The following LHFPL5 variants were observed in gnomAD, a reference collection of about 807,000 sequenced individuals.
The protein encoded by LHFPL5 is LHFPL tetraspan subfamily member 5, also known as LHFPL tetraspan subfamily member 5 protein.
A neutral mutation model predicts 18.7 loss-of-function variants in LHFPL5; 12 were observed. That is an observed-to-expected ratio of 0.64 (90% CI 0.41 to 1.04). The LOEUF (loss-of-function observed/expected upper bound fraction) is 1.04, where lower values mean the gene tolerates loss of function less well. Ranked by LOEUF, LHFPL5 falls within the 50% of genes least tolerant of loss-of-function variation. The pLI, the probability that LHFPL5 is intolerant of heterozygous loss-of-function variation, is 0.00. For synonymous variants in LHFPL5, 111 were observed against 120.2 expected (o/e 0.92, Z 0.50); for missense variants, 259 against 292.1 (o/e 0.89, Z 0.83).
chr6:35,813,186 G>C (rs555047579), intron 1 of LHFPL5, among the ~76,000 whole-genome samples: 1 of 151,384 alleles, frequency 6.6e-6, no homozygotes, highest in South Asian at 2.1e-4. Flanking sequence ...TCACCTGGAA[G>C]AGTGCTTTTG....
At chr6:35,807,146 T>G (rs566149638) in intron 1 of LHFPL5, among the ~76,000 whole-genome samples, 1 of 151,952 alleles carries the variant, frequency 6.6e-6, no homozygotes, top group African/African-American at 2.4e-5. Flanking sequence ...TTTAAAACAA[T>G]GTGGGGGCTG....
intron 3 of LHFPL5, among the ~76,000 whole-genome samples, chr6:35,821,642 C>T (rs928331155): frequency 1.2e-4 from 18 of 151,648 alleles, no homozygotes; most frequent in South Asian, 6.3e-4. Flanking sequence ...CCACCACACC[C>T]GGCTAATTTT....
chr6:35,819,165 C>A (rs143679951), intron 2 of LHFPL5, among the ~76,000 whole-genome samples: 3 of 152,244 alleles, frequency 2.0e-5, no homozygotes, highest in African/African-American at 7.2e-5. Context: ...ATCTGCCCAA[C>A]CAATAACAGC....
rs904225699 is a variant in LHFPL5, at chr6:35,823,526, G to C, written c.*561G>C. On this transcript the variant is annotated 3_prime_UTR_variant, in exon 4 of 4. Coordinates refer to ENST00000360215, the MANE Select transcript of LHFPL5 (RefSeq NM_182548.4). ...ACAAATGCCCAACCAGCTCTAAGAGGGCACTGAAGAGGTGGCTGGACATGT... is the reference window on the plus strand; with the variant it reads ...ACAAATGCCCAACCAGCTCTAAGAGCGCACTGAAGAGGTGGCTGGACATGT... The C allele has an allele frequency of 6.6e-6, 1 of 150,656 alleles. No individual in the cohort carries two copies. 9.3% of individuals were successfully genotyped at this position (150,656 alleles called of 1,614,324 possible). A position where few individuals can be genotyped will look rare whatever the true frequency, so the allele number is the denominator to read the frequency against.
rs375373887 is a variant in LHFPL5 at position 35,806,396 on chromosome 6, C to G, written c.412+314C>G. On this transcript the variant is annotated intron_variant, in intron 1 of 3. Transcript: ENST00000360215. ...GCCCAGGAGCACACAGTTGCCAGTC[C>G]TGATTCCCAGGCCATCACATCAGTT... 4.0e-4 allele frequency among the ~76,000 whole-genome samples: 61 copies of G among 152,164 alleles called. No homozygotes were observed. The East Asian group carries it at 0.011, about 28-fold the overall frequency.
chr6:35,819,533 ATCCTCAG>A, intron 3 of LHFPL5, 70 bp downstream of exon 3: 1 of 1,393,792 alleles, frequency 7.2e-7, no homozygotes, highest in African/African-American at 1.4e-5. Context: ...TCCTTACTGA[ATCCTCAG>A]GCATCAGGAC....
chr6:35,814,477 C>T lies in LHFPL5; in HGVS notation c.413-69C>T. 8.4e-7 allele frequency: 1 copy of T among 1,184,716 alleles called. No homozygotes were observed. The highest frequency in any genetic ancestry group is 1.3e-6 in the Non-Finnish European group (1 of 788,882). The allele number at this position is 1,184,716 out of a possible 1,614,324, so 73.4% of individuals were successfully genotyped here. On this transcript the variant is annotated intron_variant, in intron 1 of 3. Coordinates refer to ENST00000360215, the MANE Select transcript of LHFPL5 (RefSeq NM_182548.4). This position sits in a 1 kb window ranked among gnomAD's most constrained non-coding sequence, Gnocchi z 4.2. ...GGGAGGTGACAACATAACAGCAGTG[C>T]AAGGTGTGGGAGGTAGCGGGCTAGG...
rs1768916915 is a variant in LHFPL5 at position 35,823,477 on chromosome 6, A to ATCTCTCT, written c.*512_*513insTCTCTCT. 7.1e-6 allele frequency: 1 copy of ATCTCTCT among 140,750 alleles called. No individual in the cohort carries two copies. The highest frequency in any genetic ancestry group is 1.5e-5 in the Non-Finnish European group (1 of 64,918). 8.7% of individuals were successfully genotyped at this position (140,750 alleles called of 1,614,324 possible). A position where few individuals can be genotyped will look rare whatever the true frequency, so the allele number is the denominator to read the frequency against. On this transcript the variant is annotated 3_prime_UTR_variant, in exon 4 of 4. Coordinates refer to ENST00000360215, the MANE Select transcript of LHFPL5 (RefSeq NM_182548.4). ...CACACACACACACACACACACACAC[A>ATCTCTCT]CTCTCTCTCTCTCTCAAACACACAC... is the stretch of plus-strand genomic sequence containing the variant.
At chr6:35,808,468 C>T (rs150252740) in intron 1 of LHFPL5, among the ~76,000 whole-genome samples, 2,713 of 142,652 alleles carry the variant, frequency 0.019, 33 homozygotes, top group Middle Eastern at 0.038. Flanking sequence ...AGCAACATGG[C>T]GAAACTGTGT....
At chr6:35,822,887 G>C (rs1180660835) in intron 3 of LHFPL5, 95 bp from the exon 4 acceptor site, 1 of 152,216 alleles carries the variant, frequency 6.6e-6, no homozygotes. Flanking sequence ...TGGGATTACA[G>C]GCGTGAACCA....
At chr6:35,816,716 G>A (rs1275925267) in intron 2 of LHFPL5, among the ~76,000 whole-genome samples, 1 of 151,248 alleles carries the variant, frequency 6.6e-6, no homozygotes, top group Non-Finnish European at 1.5e-5. Context: ...GGAGGCTGAG[G>A]CAGGAGAATG....
rs763639486 is a variant in LHFPL5 at position 35,821,857 on chromosome 6, A to ATTTTTTTTTTTTTTTTTTTTTTTTTTTT, written c.*17-1118_*17-1091dup. On this transcript the variant is annotated intron_variant, in intron 3 of 3. Transcript: ENST00000360215. ...AACTCCACAGCACTGGTGTACCACA[A>ATTTTTTTTTTTTTTTTTTTTTTTTTTTT]TTTTTTTTTTTTTTTTTTTTTTTTT... Among the ~76,000 whole-genome samples the ATTTTTTTTTTTTTTTTTTTTTTTTTTTT allele has an allele frequency of 5.1e-5, 2 of 39,136 alleles. 1 individual carries two copies. The highest frequency in any genetic ancestry group is 9.4e-5 in the Non-Finnish European group (2 of 21,298). The allele number at this position is 39,136 out of a possible 152,430, so 25.7% of individuals were successfully genotyped here. A position where few individuals can be genotyped will look rare whatever the true frequency, so the allele number is the denominator to read the frequency against.
chr6:35,813,532 C>T (rs867199658), intron 1 of LHFPL5, among the ~76,000 whole-genome samples: 6 of 151,954 alleles, frequency 3.9e-5, no homozygotes, highest in African/African-American at 1.5e-4. Context: ...CGTGAGCCAC[C>T]GCACCCGGCC....
In LHFPL5 at chr6:35,821,857, A is replaced by ATTTTTTTTTTTTTTTTT. The variant is rs763639486; in HGVS notation, c.*17-1107_*17-1091dup. On this transcript the variant is annotated intron_variant, in intron 3 of 3. Coordinates refer to ENST00000360215, the MANE Select transcript of LHFPL5 (RefSeq NM_182548.4). ...AACTCCACAGCACTGGTGTACCACAATTTTTTTTTTTTTTTTTTTTTTTTT... is the reference window on the plus strand; with the variant it reads ...AACTCCACAGCACTGGTGTACCACAATTTTTTTTTTTTTTTTTTTTTTTTTTTTTTTTTTTTTTTTTT... Among the ~76,000 whole-genome samples the ATTTTTTTTTTTTTTTTT allele has an allele frequency of 2.3e-4, 9 of 39,164 alleles. 1 individual carries two copies. The highest frequency in any genetic ancestry group is 2.8e-4 in the Non-Finnish European group (6 of 21,300). The allele number at this position is 39,164 out of a possible 152,430, so 25.7% of individuals were successfully genotyped here. A position where few individuals can be genotyped will look rare whatever the true frequency, so the allele number is the denominator to read the frequency against.
intron 3 of LHFPL5, chr6:35,819,845 T>C (rs1161190583): frequency 3.6e-6 from 1 of 280,882 alleles, no homozygotes; most frequent in East Asian, 8.2e-5. Flanking sequence ...GCCTGGCTAA[T>C]TTTTTGTATT....
chr6:35,818,055 C>A (rs770033581), intron 2 of LHFPL5, among the ~76,000 whole-genome samples: 6 of 152,140 alleles, frequency 3.9e-5, no homozygotes, highest in South Asian at 2.1e-4. Context: ...GTAAGCATTG[C>A]TACCATGTGG....
At chr6:35,813,997 A>T (rs189993358) in intron 1 of LHFPL5, among the ~76,000 whole-genome samples, 1 of 151,996 alleles carries the variant, frequency 6.6e-6, no homozygotes, top group Non-Finnish European at 1.5e-5. Flanking sequence ...GGGTTTCTCC[A>T]TGTTGGTCAG....
chr6:35,820,685 G>A (rs1003561641), intron 3 of LHFPL5, among the ~76,000 whole-genome samples: 3 of 150,454 alleles, frequency 2.0e-5, no homozygotes, highest in Admixed American at 6.7e-5. Flanking sequence ...GGGCGACAAA[G>A]CGAGACTCCA....
At chr6:35,812,900 C>G (rs1400312574) in intron 1 of LHFPL5, among the ~76,000 whole-genome samples, 1 of 152,020 alleles carries the variant, frequency 6.6e-6, no homozygotes, top group African/African-American at 2.4e-5. Flanking sequence ...ATGAAAAATA[C>G]AAAAATTAGC....
Sources: gnomAD v4.1 joint callset for allele counts (sites outside exome capture counted in the v4.1 genomes callset) on GRCh38, gnomAD v4.1.1 for gene constraint, Gnocchi (gnomAD v3.1) non-coding constraint, MANE v1.5 for transcripts, NCBI Gene and HGNC (gene_info 2026-07-23, HGNC 2026-07-21) for gene names.